The following TPH2 variants were observed in gnomAD, a reference collection of about 807,000 sequenced individuals.
The protein encoded by TPH2 is tryptophan hydroxylase 2.
A neutral mutation model predicts 59.1 loss-of-function variants in TPH2; 27 were observed. That is an observed-to-expected ratio of 0.46 (90% CI 0.34 to 0.63). TPH2 has a LOEUF of 0.63. Among genes scored for constraint, TPH2 ranks in the 30% least tolerant of loss-of-function variants. TPH2 has a pLI of 0.01. For missense variants in TPH2, 523 were observed against 588.3 expected, an observed-to-expected ratio of 0.89 and a Z score of 1.15; for synonymous variants, 220 against 210.5, an observed-to-expected ratio of 1.05 and a Z score of -0.39.
intron 8 of TPH2, among the ~76,000 whole-genome samples, chr12:72,004,255 A>T (rs1342744331): frequency 6.6e-6 from 1 of 150,646 alleles, no homozygotes; most frequent in Non-Finnish European, 1.5e-5. Flanking sequence ...AACAAATTAT[A>T]TTACCTCTTT....
chr12:71,977,713 A>G (rs1872159834), intron 6 of TPH2, among the ~76,000 whole-genome samples: 1 of 152,178 alleles, frequency 6.6e-6, no homozygotes, highest in South Asian at 2.1e-4. Flanking sequence ...TATGTCATTC[A>G]CTTAAAGTCG....
Position 72,031,246 on chromosome 12 carries a change from T to C in TPH2, c.1165-12T>C. The C allele has an allele frequency of 6.2e-7, 1 of 1,613,232 alleles. No individual in the cohort carries two copies. Among genetic ancestry groups the C allele is most frequent in the Non-Finnish European group, 8.5e-7 (1 of 1,179,348 alleles). On this transcript the variant is annotated splice_polypyrimidine_tract_variant and intron_variant, in intron 9 of 10. Transcript: ENST00000333850. ...TTACAGAGTTTAACAGGTTTTGTGG[T>C]ATATTTTGCAGCACGCCCTTTCTGA...
chr12:71,972,971 A>G (rs1429235903), intron 6 of TPH2, among the ~76,000 whole-genome samples: 3 of 152,154 alleles, frequency 2.0e-5, no homozygotes, highest in Non-Finnish European at 4.4e-5. Flanking sequence ...GGATATTTGC[A>G]AGTTCAGCTC....
chr12:71,997,582 A>G (rs1278277425), intron 8 of TPH2, among the ~76,000 whole-genome samples: 1 of 152,110 alleles, frequency 6.6e-6, no homozygotes, highest in Non-Finnish European at 1.5e-5. Context: ...ACAGCTAAAA[A>G]CACTTCCATC....
chr12:72,006,799 G>T (rs899528101), intron 8 of TPH2, among the ~76,000 whole-genome samples: 5 of 152,114 alleles, frequency 3.3e-5, no homozygotes, highest in Non-Finnish European at 5.9e-5. Context: ...TAACCTCTCT[G>T]TGCCCCAGTT....
intron 7 of TPH2, among the ~76,000 whole-genome samples, chr12:71,989,040 C>A (rs1175285996): frequency 6.7e-6 from 1 of 148,408 alleles, no homozygotes; most frequent in Non-Finnish European, 1.5e-5. Flanking sequence ...CCTTATGATT[C>A]CTAAGGGGAA....
At chr12:71,961,723 A>G (rs1011121732) in intron 5 of TPH2, 1 of 1,348,244 alleles carries the variant, frequency 7.4e-7, no homozygotes, top group Non-Finnish European at 9.8e-7. Context: ...TGCAGATGAA[A>G]ATCACTTCTC....
intron 4 of TPH2, among the ~76,000 whole-genome samples, chr12:71,947,123 G>A (rs540748158): frequency 6.6e-6 from 1 of 152,250 alleles, no homozygotes; most frequent in East Asian, 1.9e-4. Flanking sequence ...GTATCTGCAG[G>A]GGATCCTGAT....
At chr12:71,987,777 G>A (rs1195957854) in intron 7 of TPH2, among the ~76,000 whole-genome samples, 1 of 152,114 alleles carries the variant, frequency 6.6e-6, no homozygotes, top group Non-Finnish European at 1.5e-5. Flanking sequence ...GCTTGAACCC[G>A]GGAGGCGGAG....
chr12:71,949,399 G>T (rs1238980284), intron 4 of TPH2, among the ~76,000 whole-genome samples, 189 bp from the exon 5 acceptor site: 3 of 152,174 alleles, frequency 2.0e-5, no homozygotes, highest in Non-Finnish European at 4.4e-5. Flanking sequence ...TCCTAAATTA[G>T]TATAGCCCCA....
chr12:71,958,239 T>C (rs1871568212), intron 5 of TPH2, among the ~76,000 whole-genome samples: 1 of 152,206 alleles, frequency 6.6e-6, no homozygotes, highest in Admixed American at 6.5e-5. Context: ...ATTTCCTGGA[T>C]GGCCAGAATA....
intron 7 of TPH2, among the ~76,000 whole-genome samples, chr12:71,990,604 C>T (rs1872558922): frequency 6.6e-6 from 1 of 152,200 alleles, no homozygotes; most frequent in African/African-American, 2.4e-5. Flanking sequence ...CCAGGCACTT[C>T]AATTTCCTTT....
chr12:71,944,379 G>T lies in TPH2; in HGVS notation c.341G>T (p.Cys114Phe). Residue 114 changes from cysteine to phenylalanine, a missense_variant, in exon 3 of 11, where the codon TGT becomes TTT. By Grantham distance (205) the Cys-to-Phe change is radical. Transcript: ENST00000333850. ...GTTGAAATCTTTGTGGACTGTGAGT[G>T]TGGGAAAACAGAATTCAATGAGCTC... is the stretch of plus-strand genomic sequence containing the variant. ...SEVEIFVDCECGKTEFNELIQ... is the reference protein window; with the variant it reads ...SEVEIFVDCEFGKTEFNELIQ... 6.2e-7 allele frequency: 1 copy of T among 1,613,932 alleles called. No homozygotes were observed. Among genetic ancestry groups the T allele is most frequent in the Non-Finnish European group, 8.5e-7 (1 of 1,179,870 alleles).
rs41317126 is a variant in TPH2, at chr12:71,994,257, TG to T, written c.942-181del. ...GTATATCATATGTTTTAAGTGCTGTTGATTATGAGATGCAGTGGGATTTCAG... is the reference window on the plus strand; with the variant it reads ...GTATATCATATGTTTTAAGTGCTGTTATTATGAGATGCAGTGGGATTTCAG... On this transcript the variant is annotated intron_variant, in intron 7 of 10. Coordinates refer to ENST00000333850, the MANE Select transcript of TPH2 (RefSeq NM_173353.4). Among the ~76,000 whole-genome samples, 777 of 152,336 alleles carry T rather than the reference TG, an allele frequency of 5.1e-3. 3 individuals are homozygous for T. The highest frequency in any genetic ancestry group is 8.7e-3 in the Non-Finnish European group (591 of 68,034).
intron 8 of TPH2, among the ~76,000 whole-genome samples, chr12:72,003,233 G>A (rs565837107): frequency 8.6e-5 from 13 of 152,010 alleles, no homozygotes; most frequent in Admixed American, 2.6e-4. Flanking sequence ...TAAGCCTCAG[G>A]CTTATTTATT....
At chr12:71,946,853 C>G (rs963780501) in intron 4 of TPH2, among the ~76,000 whole-genome samples, 1 of 152,086 alleles carries the variant, frequency 6.6e-6, no homozygotes, top group African/African-American at 2.4e-5. Flanking sequence ...AAACTAATCA[C>G]CTTCGAGATC....
rs1220894742 is a variant in TPH2 at position 71,963,771 on chromosome 12, T to C, written c.609-8748T>C. 4.8e-5 allele frequency among the ~76,000 whole-genome samples: 2 copies of C among 41,392 alleles called. 1 individual carries two copies. Among genetic ancestry groups the C allele is most frequent in the Non-Finnish European group, 1.1e-4 (2 of 17,630 alleles). 27.2% of individuals were successfully genotyped at this position (41,392 alleles called of 152,430 possible). Reference sequence around the variant, plus strand: ...TTGCAGTGAGCTGAGATCGTGCCACTGCACTCCAGCCTGGGTGACAGAGTC... The same window carrying C: ...TTGCAGTGAGCTGAGATCGTGCCACCGCACTCCAGCCTGGGTGACAGAGTC... On this transcript the variant is annotated intron_variant, in intron 5 of 10. Coordinates refer to ENST00000333850, the MANE Select transcript of TPH2 (RefSeq NM_173353.4).
At chr12:72,008,522 G>A (rs1408827443) in intron 8 of TPH2, among the ~76,000 whole-genome samples, 1 of 152,140 alleles carries the variant, frequency 6.6e-6, no homozygotes, top group Non-Finnish European at 1.5e-5. Flanking sequence ...GTCTCACAAT[G>A]GCACTTCAAG....
chr12:72,029,190 G>T (rs1873651325), intron 9 of TPH2, among the ~76,000 whole-genome samples: 1 of 152,138 alleles, frequency 6.6e-6, no homozygotes, highest in African/African-American at 2.4e-5. Flanking sequence ...TCTTGTGCTT[G>T]TCCTTGACCC....
Sources: gnomAD v4.1 joint callset for allele counts (sites outside exome capture counted in the v4.1 genomes callset) on GRCh38, gnomAD v4.1.1 for gene constraint, MANE v1.5 for transcripts, NCBI Gene and HGNC (gene_info 2026-07-23, HGNC 2026-07-21) for gene names.